The following MDGA2 variants were observed in gnomAD, a reference collection of about 807,000 sequenced individuals.
MDGA2 encodes MAM domain-containing glycosylphosphatidylinositol anchor protein 2.
Under a neutral mutation model 117.8 loss-of-function variants are expected in MDGA2, and 40 were observed. The ratio of observed to expected loss-of-function variants is 0.34; its 90% CI spans 0.26 to 0.44. The LOEUF (loss-of-function observed/expected upper bound fraction) is 0.44, where lower values mean the gene tolerates loss of function less well. Among genes scored for constraint, MDGA2 ranks in the 20% least tolerant of loss-of-function variants. The pLI, the probability that MDGA2 is intolerant of heterozygous loss-of-function variation, is 1.00. For synonymous variants in MDGA2, 452 were observed against 439.0 expected, an observed-to-expected ratio of 1.03 and a Z score of -0.37; for missense variants, 1,123 against 1,250.6, an observed-to-expected ratio of 0.90 and a Z score of 1.54.
At chr14:47,071,525 A>C (rs1297557887) in intron 6 of MDGA2, among the ~76,000 whole-genome samples, 1 of 152,148 alleles carries the variant, frequency 6.6e-6, no homozygotes, top group Non-Finnish European at 1.5e-5. Flanking sequence ...GTATATTTTT[A>C]AAATACATAC....
At chr14:46,954,520 G>T (rs556280604) in intron 9 of MDGA2, among the ~76,000 whole-genome samples, 3 of 152,078 alleles carry the variant, frequency 2.0e-5, no homozygotes, top group African/African-American at 7.2e-5. Context: ...CTCCAGGGGA[G>T]AATATATTCC....
chr14:47,177,623 G>A (rs886821022), intron 3 of MDGA2, among the ~76,000 whole-genome samples: 1 of 152,102 alleles, frequency 6.6e-6, no homozygotes, highest in African/African-American at 2.4e-5. Flanking sequence ...ACACAGGAAG[G>A]GGAACATCAC....
Position 47,614,789 on chromosome 14 carries a change from T to A in MDGA2, c.280+59728A>T, listed in dbSNP as rs115668820. Among the ~76,000 whole-genome samples the A allele has an allele frequency of 5.4e-3, 817 of 152,316 alleles. 11 individuals carry two copies. Among genetic ancestry groups the A allele is most frequent in the African/African-American group, 0.018 (769 of 41,570 alleles). ...ACATTGTAAGATGTTAAGGTACATGTTTCCAGGGCCTAGTAATTACATAAT... is the reference window on the plus strand; with the variant it reads ...ACATTGTAAGATGTTAAGGTACATGATTCCAGGGCCTAGTAATTACATAAT... On this transcript the variant is annotated intron_variant, in intron 1 of 16. Transcript: ENST00000399232.
intron 12 of MDGA2, among the ~76,000 whole-genome samples, chr14:46,875,039 T>C (rs1353516598): frequency 6.6e-6 from 1 of 151,726 alleles, no homozygotes; most frequent in Admixed American, 6.6e-5. Context: ...AAACATAATG[T>C]ATATTATTTC....
In MDGA2 at chr14:47,035,126, T is replaced by A. The variant is rs1888798688; in HGVS notation, c.1704A>T (p.Thr568=). The part of the protein sequence containing the change: ...GSMQMESYDG[T]LRIVNVSREM... Reference sequence around the variant, plus strand: ...CCCTAGATACATTCACAATCCTCAGTGTTCCATCATAACTCTCCATTTGCA... The same window carrying A: ...CCCTAGATACATTCACAATCCTCAGAGTTCCATCATAACTCTCCATTTGCA... The change falls in exon 8 of 17, where the codon ACA becomes ACT. Residue 568 remains threonine (T), a synonymous_variant. Coordinates refer to ENST00000399232, the MANE Select transcript of MDGA2 (RefSeq NM_001113498.3). 1 of 1,614,146 alleles carries A rather than the reference T, an allele frequency of 6.2e-7. No individual in the cohort carries two copies. The highest frequency in any genetic ancestry group is 2.2e-5 in the East Asian group (1 of 44,848).
chr14:47,059,340 G>A, intron 7 of MDGA2: 1 of 1,273,680 alleles, frequency 7.9e-7, no homozygotes, highest in Non-Finnish European at 1.0e-6. Flanking sequence ...GTAGTGTTTT[G>A]GAAGAAGTCA....
At chr14:47,102,070 T>G (rs774179236) in intron 5 of MDGA2, among the ~76,000 whole-genome samples, 2 of 152,156 alleles carry the variant, frequency 1.3e-5, no homozygotes, top group Non-Finnish European at 2.9e-5. Context: ...TAGGTAAATA[T>G]GAAGATAAGC....
intron 1 of MDGA2, among the ~76,000 whole-genome samples, chr14:47,408,824 C>A (rs1025759946): frequency 6.6e-5 from 10 of 151,996 alleles, no homozygotes; most frequent in Admixed American, 5.9e-4. Flanking sequence ...GGAGACTGGG[C>A]AGATAGAGGA....
intron 8 of MDGA2, among the ~76,000 whole-genome samples, chr14:46,981,356 A>G (rs1232555235): frequency 1.3e-5 from 2 of 152,088 alleles, no homozygotes; most frequent in African/African-American, 4.8e-5. Context: ...GTGAGCAGAG[A>G]TAGCACCACT....
At chr14:47,240,336 G>A (rs893816418) in intron 2 of MDGA2, among the ~76,000 whole-genome samples, 3 of 151,884 alleles carry the variant, frequency 2.0e-5, no homozygotes, top group Non-Finnish European at 2.9e-5. Flanking sequence ...GAGCCACCAC[G>A]CCCAGCTAGA....
chr14:47,219,051 T>C (rs897220220), intron 2 of MDGA2, among the ~76,000 whole-genome samples: 3 of 151,970 alleles, frequency 2.0e-5, no homozygotes, highest in Non-Finnish European at 4.4e-5. Flanking sequence ...AAATAGAAAG[T>C]AAAAATAATT....
chr14:47,577,902 G>A lies in MDGA2; in HGVS notation c.280+96615C>T, dbSNP rs1246998050. On this transcript the variant is annotated intron_variant, in intron 1 of 16. Transcript: ENST00000399232. ...CTAGAACCAGAAATACCATTTGACT[G>A]AGCAATCCCATTACTGGGTATATAC... Among the ~76,000 whole-genome samples the A allele has an allele frequency of 4.6e-5, 7 of 152,236 alleles. No individual in the cohort carries two copies. The South Asian group carries it at 1.5e-3, about 32-fold the overall frequency.
intron 5 of MDGA2, among the ~76,000 whole-genome samples, chr14:47,114,226 C>T (rs1467284475): frequency 3.3e-5 from 5 of 151,818 alleles, no homozygotes; most frequent in Non-Finnish European, 5.9e-5. Flanking sequence ...GGGAAGTTAA[C>T]GACCTCTTCA....
intron 14 of MDGA2, among the ~76,000 whole-genome samples, chr14:46,856,861 C>T (rs944103836): frequency 8.6e-5 from 13 of 151,918 alleles, no homozygotes; most frequent in Non-Finnish European, 1.5e-4. Flanking sequence ...TTTTACTATG[C>T]GTTAGTGATT....
intron 1 of MDGA2, among the ~76,000 whole-genome samples, chr14:47,602,398 T>A (rs76378552): frequency 0.054 from 8,246 of 152,096 alleles, 748 homozygotes; most frequent in African/African-American, 0.19. Context: ...GATGAATCAC[T>A]CATTAAAACA....
chr14:46,979,890 C>T (rs755942489), intron 8 of MDGA2, among the ~76,000 whole-genome samples: 5 of 152,162 alleles, frequency 3.3e-5, no homozygotes, highest in Non-Finnish European at 5.9e-5. Flanking sequence ...ATAAAGGTGG[C>T]TACACCAAAC....
intron 1 of MDGA2, chr14:47,305,421 C>A (rs1459370391): frequency 2.6e-5 from 4 of 152,168 alleles, no homozygotes; most frequent in African/African-American, 9.7e-5. Flanking sequence ...TATGTAAAAT[C>A]TTTCCTAACA....
At chr14:47,439,944 C>CT (rs1213626890) in intron 1 of MDGA2, among the ~76,000 whole-genome samples, 5 of 151,500 alleles carry the variant, frequency 3.3e-5, no homozygotes, top group Admixed American at 6.6e-5. Context: ...GCCTTTTTTT[C>CT]TTTTTTTTGG....
chr14:47,441,644 C>G (rs992423495), intron 1 of MDGA2, among the ~76,000 whole-genome samples: 1 of 152,090 alleles, frequency 6.6e-6, no homozygotes, highest in Admixed American at 6.6e-5. Context: ...ATGGAATTGA[C>G]AGTTTTTTGA....
Sources: gnomAD v4.1 joint callset for allele counts (sites outside exome capture counted in the v4.1 genomes callset) on GRCh38, gnomAD v4.1.1 for gene constraint, MANE v1.5 for transcripts, NCBI Gene and HGNC (gene_info 2026-07-23, HGNC 2026-07-21) for gene names.